Variants in ZNF652 observed in about 807,000 individuals in gnomAD.
ZNF652 encodes zinc finger protein 652.
In ZNF652, 16 loss-of-function variants were observed where a neutral mutation model predicts 45.2. The observed-to-expected ratio is 0.35, with a 90% CI of 0.24 to 0.54. The LOEUF is 0.54. ZNF652 is among the 20% of genes least tolerant of loss of function. The probability of loss-of-function intolerance (pLI) is 0.91; values close to 1 mark genes in which losing one functional copy is unlikely to be tolerated. For synonymous variants in ZNF652, 250 were observed against 260.6 expected, an observed-to-expected ratio of 0.96 and a Z score of 0.39; for missense variants, 614 against 765.6, an observed-to-expected ratio of 0.80 and a Z score of 2.34.
intron 1 of ZNF652, among the ~76,000 whole-genome samples, chr17:49,347,080 C>T (rs1270533590): frequency 1.3e-5 from 2 of 152,180 alleles, no homozygotes; most frequent in Non-Finnish European, 2.9e-5. Flanking sequence ...GATTGAAACA[C>T]ACCAAATATG....
intron 3 of ZNF652, 77 bp from the exon 4 acceptor site, chr17:49,312,119 G>C: frequency 3.1e-5 from 18 of 576,216 alleles, no homozygotes; most frequent in Non-Finnish European, 4.4e-5. Flanking sequence ...CTACTGTAAA[G>C]CAATTAGGCC....
At chr17:49,304,754 G>T (rs1004630880) in intron 5 of ZNF652, among the ~76,000 whole-genome samples, 2 of 152,030 alleles carry the variant, frequency 1.3e-5, no homozygotes, top group Non-Finnish European at 2.9e-5. Context: ...CTACAGAGAA[G>T]ATAGAAAAGA....
intron 5 of ZNF652, among the ~76,000 whole-genome samples, chr17:49,308,908 A>G (rs2069669359): frequency 6.6e-6 from 1 of 152,186 alleles, no homozygotes; most frequent in African/African-American, 2.4e-5. Flanking sequence ...ACGAATACTC[A>G]ACATAAATTT....
chr17:49,332,655 CT>C (rs970647365), intron 1 of ZNF652, among the ~76,000 whole-genome samples: 1 of 152,114 alleles, frequency 6.6e-6, no homozygotes, highest in Non-Finnish European at 1.5e-5. Flanking sequence ...ATATATTTAA[CT>C]TTTTTTGAAG....
At chr17:49,329,543 T>C (rs2070000907) in intron 1 of ZNF652, among the ~76,000 whole-genome samples, 1 of 152,222 alleles carries the variant, frequency 6.6e-6, no homozygotes, top group African/African-American at 2.4e-5. Context: ...CTCAGATGCA[T>C]ACATTTTATA....
At chr17:49,355,215 T>C (rs7213090) in intron 1 of ZNF652, among the ~76,000 whole-genome samples, 64,845 of 151,950 alleles carry the variant, frequency 0.43, 14,181 homozygotes, top group East Asian at 0.48. Context: ...CTTATAAAAG[T>C]TACATTAGAT....
At chr17:49,308,182 T>C (rs2189785) in intron 5 of ZNF652, among the ~76,000 whole-genome samples, 34,973 of 152,084 alleles carry the variant, frequency 0.23, 4,138 homozygotes, top group South Asian at 0.31. Flanking sequence ...ACTCTTTTTT[T>C]GGTTTGTTTT....
At chr17:49,340,907 C>T (rs1454157683) in intron 1 of ZNF652, among the ~76,000 whole-genome samples, 1 of 152,006 alleles carries the variant, frequency 6.6e-6, no homozygotes, top group Non-Finnish European at 1.5e-5. Flanking sequence ...TCCACAACAA[C>T]AAAATTATAT....
At chr17:49,307,847 CAT>C (rs781053051) in intron 5 of ZNF652, among the ~76,000 whole-genome samples, 20 of 152,176 alleles carry the variant, frequency 1.3e-4, no homozygotes, top group Non-Finnish European at 2.9e-4. Flanking sequence ...TAATGCCTGA[CAT>C]ATATGTATGT....
chr17:49,343,109 T>A (rs1315282414), intron 1 of ZNF652, among the ~76,000 whole-genome samples: 1 of 152,116 alleles, frequency 6.6e-6, no homozygotes, highest in East Asian at 1.9e-4. Context: ...CTTGAGCTCC[T>A]GACCTCAAGA....
rs10609861 is a variant in ZNF652 at position 49,293,655 on chromosome 17, T to TAAAA, written c.*4754_*4757dup. Reference sequence around the variant, plus strand: ...CTAATGGCTTATGACCTTTCATTCCTAAAAAAAAAAAAAAAAAAAAAAAAA... The same window carrying TAAAA: ...CTAATGGCTTATGACCTTTCATTCCTAAAAAAAAAAAAAAAAAAAAAAAAAAAAA... On this transcript the variant is annotated 3_prime_UTR_variant, in exon 6 of 6. Transcript: ENST00000430262. Among the ~76,000 whole-genome samples the TAAAA allele has an allele frequency of 1.8e-4, 14 of 78,314 alleles. No homozygotes were observed. The highest frequency in any genetic ancestry group is 5.4e-4 in the African/African-American group (13 of 23,974). 51.4% of individuals were successfully genotyped at this position (78,314 alleles called of 152,430 possible).
At chr17:49,300,310 G>A (rs906629344) in intron 5 of ZNF652, among the ~76,000 whole-genome samples, 15 of 152,110 alleles carry the variant, frequency 9.9e-5, no homozygotes, top group African/African-American at 3.6e-4. Context: ...CCCAATGTCC[G>A]TGGGTGTAGG....
intron 5 of ZNF652, among the ~76,000 whole-genome samples, chr17:49,301,957 AAAC>A (rs2069558958): frequency 6.6e-6 from 1 of 152,102 alleles, no homozygotes. Flanking sequence ...ATACCACTGA[AAAC>A]AATGTTACAG....
intron 1 of ZNF652, among the ~76,000 whole-genome samples, chr17:49,353,640 A>G (rs1470841098): frequency 2.0e-5 from 3 of 152,134 alleles, no homozygotes; most frequent in Admixed American, 2.0e-4. Flanking sequence ...AATTTTTCTA[A>G]ATGAAATAAA....
intron 1 of ZNF652, among the ~76,000 whole-genome samples, chr17:49,355,147 A>T (rs891217546): frequency 6.6e-6 from 1 of 152,246 alleles, no homozygotes; most frequent in African/African-American, 2.4e-5. Context: ...TAAGTAAGTT[A>T]TTCATGTTGC....
chr17:49,358,615 C>T (rs941249410), intron 1 of ZNF652, among the ~76,000 whole-genome samples: 2 of 152,148 alleles, frequency 1.3e-5, no homozygotes, highest in Non-Finnish European at 2.9e-5. Context: ...TTTACCTCTT[C>T]GTTAGGCTTC....
intron 1 of ZNF652, among the ~76,000 whole-genome samples, chr17:49,344,143 G>A (rs536762782): frequency 3.3e-5 from 5 of 152,140 alleles, no homozygotes; most frequent in African/African-American, 1.2e-4. Flanking sequence ...GGAGCTTGCA[G>A]TGAGCCGAGA....
rs2069439653 is a variant in ZNF652 at position 49,294,027 on chromosome 17, G to A, written c.*4386C>T. ...TTCTGTGTTTTACTAACTGAAACCT[G>A]CAAGATGGGGTAAATATACATATAT... On this transcript the variant is annotated 3_prime_UTR_variant, in exon 6 of 6. Coordinates refer to ENST00000430262, the MANE Select transcript of ZNF652 (RefSeq NM_001145365.3). Among the ~76,000 whole-genome samples, 4 of 151,970 alleles carry A rather than the reference G, an allele frequency of 2.6e-5. No individual in the cohort carries two copies. In the South Asian group the frequency reaches 8.3e-4, roughly 32 times the overall value.
intron 2 of ZNF652, among the ~76,000 whole-genome samples, chr17:49,313,195 G>A (rs931267745): frequency 7.2e-5 from 11 of 152,208 alleles, no homozygotes; most frequent in African/African-American, 2.2e-4. Flanking sequence ...TTGCTCTGTC[G>A]CCCAGGCCGG....
Sources: allele counts gnomAD v4.1 joint callset (sites outside exome capture counted in the v4.1 genomes callset), GRCh38; gene constraint gnomAD v4.1.1; transcripts MANE v1.5; gene names NCBI Gene and HGNC (gene_info 2026-07-23, HGNC 2026-07-21).